HOOK3: variants seen among roughly 807,000 people sequenced by gnomAD.
HOOK3 encodes protein Hook homolog 3.
A neutral mutation model predicts 116.3 loss-of-function variants in HOOK3; 24 were observed. That is an observed-to-expected ratio of 0.21 (90% CI 0.15 to 0.29). The LOEUF is 0.29. HOOK3 is among the 10% of genes least tolerant of loss of function. HOOK3 has a pLI of 1.00. For missense variants in HOOK3, 632 were observed against 830.2 expected, an observed-to-expected ratio of 0.76 and a Z score of 2.93; for synonymous variants, 275 against 283.0, an observed-to-expected ratio of 0.97 and a Z score of 0.28.
At chr8:42,957,064 T>C (rs773239523) in intron 6 of HOOK3, 30 bp from the exon 7 acceptor site, 2 of 1,379,014 alleles carry the variant, frequency 1.5e-6, no homozygotes, top group Non-Finnish European at 2.0e-6. Flanking sequence ...TTTTGCCTCA[T>C]AGTTATAATC....
intron 1 of HOOK3, among the ~76,000 whole-genome samples, chr8:42,902,933 A>G (rs79636089): frequency 6.6e-6 from 1 of 152,310 alleles, no homozygotes; most frequent in East Asian, 1.9e-4. Context: ...AAACAAACCT[A>G]CAAGAAAGAT....
rs1342148520 is a variant in HOOK3, at chr8:42,906,380, A to G, written c.143+122A>G. On this transcript the variant is annotated intron_variant, in intron 2 of 21. Coordinates refer to ENST00000307602, the MANE Select transcript of HOOK3 (RefSeq NM_032410.4). Reference sequence around the variant, plus strand: ...TAGAGTAAGAGTTGTAGGCGGCAGCAGCACTAGTTTTAATGGAATGTACTT... The same window carrying G: ...TAGAGTAAGAGTTGTAGGCGGCAGCGGCACTAGTTTTAATGGAATGTACTT... The G allele has an allele frequency of 7.2e-6, 5 of 696,686 alleles. No individual in the cohort carries two copies. The African/African-American group carries it at 7.2e-5, about 10-fold the overall frequency. 43.2% of individuals were successfully genotyped at this position (696,686 alleles called of 1,614,324 possible).
chr8:42,968,737 T>G (rs538956878), intron 11 of HOOK3, among the ~76,000 whole-genome samples: 5 of 152,332 alleles, frequency 3.3e-5, no homozygotes, highest in East Asian at 1.9e-4. Context: ...TAGTTAGTTA[T>G]TTATTAGGTA....
intron 3 of HOOK3, among the ~76,000 whole-genome samples, chr8:42,926,226 G>GT (rs1807762353): frequency 6.6e-6 from 1 of 152,084 alleles, no homozygotes; most frequent in Admixed American, 6.5e-5. Context: ...AGGCAGTGAT[G>GT]TTTTCATTTT....
rs2130511096 is a variant in HOOK3 at position 43,030,117 on chromosome 8, C to T, written c.*11619C>T. 4.8e-6 allele frequency: 1 copy of T among 207,664 alleles called. No individual in the cohort carries two copies. The highest frequency in any genetic ancestry group is 2.3e-5 in the African/African-American group (1 of 44,014). The allele number at this position is 207,664 out of a possible 1,614,324, so 12.9% of individuals were successfully genotyped here. On this transcript the variant is annotated 3_prime_UTR_variant, in exon 22 of 22. Coordinates refer to ENST00000307602, the MANE Select transcript of HOOK3 (RefSeq NM_032410.4). Reference sequence around the variant, plus strand: ...AGTGTTGTACATAATGATGTCCAAGCATTTTTCCACCTGTTTACTGAGTTT... The same window carrying T: ...AGTGTTGTACATAATGATGTCCAAGTATTTTTCCACCTGTTTACTGAGTTT...
chr8:42,990,391 AATGCAGTG>A (rs1809137678), intron 15 of HOOK3, among the ~76,000 whole-genome samples: 1 of 118,316 alleles, frequency 8.5e-6, no homozygotes, highest in Non-Finnish European at 1.6e-5. Context: ...CCCAGGCTGG[AATGCAGTG>A]GCACAATCAC....
At chr8:42,983,628 C>T (rs542258732) in intron 14 of HOOK3, among the ~76,000 whole-genome samples, 7 of 152,156 alleles carry the variant, frequency 4.6e-5, no homozygotes, top group South Asian at 4.2e-4. Context: ...GGATCTCAGG[C>T]GCGTGCCACC....
At chr8:42,933,655 T>G (rs774945640) in intron 4 of HOOK3, among the ~76,000 whole-genome samples, 22 of 152,260 alleles carry the variant, frequency 1.4e-4, no homozygotes, top group Non-Finnish European at 3.1e-4. Flanking sequence ...CATTTTCTAG[T>G]GGCATCTTCA....
intron 8 of HOOK3, among the ~76,000 whole-genome samples, chr8:42,960,996 T>C (rs918771342): frequency 2.0e-5 from 3 of 152,312 alleles, no homozygotes; most frequent in Admixed American, 6.5e-5. Flanking sequence ...CTCAGGAAGC[T>C]TCCAATCATG....
chr8:42,916,677 C>G (rs1029384853), intron 2 of HOOK3, among the ~76,000 whole-genome samples: 7 of 152,336 alleles, frequency 4.6e-5, no homozygotes, highest in African/African-American at 1.7e-4. Context: ...TAATCCACAC[C>G]TGTAGCTTAA....
chr8:42,973,587 T>C (rs1430466847), intron 12 of HOOK3, among the ~76,000 whole-genome samples, 188 bp downstream of exon 12: 1 of 152,214 alleles, frequency 6.6e-6, no homozygotes, highest in African/African-American at 2.4e-5. Flanking sequence ...AGAATATTTT[T>C]ATAATACTTC....
intron 17 of HOOK3, among the ~76,000 whole-genome samples, chr8:43,005,214 A>ATTTTTTTTTTTTTTTT: frequency 1.6e-5 from 1 of 63,182 alleles, no homozygotes; most frequent in Non-Finnish European, 2.8e-5. Context: ...TATATATATA[A>ATTTTTTTTTTTTTTTT]TTTTTTTTTT....
At chr8:42,951,296 A>G (rs970785254) in intron 6 of HOOK3, among the ~76,000 whole-genome samples, 1 of 149,708 alleles carries the variant, frequency 6.7e-6, no homozygotes, top group African/African-American at 2.5e-5. Flanking sequence ...CCTGAGCCTC[A>G]GGTGATCCGC....
chr8:42,944,737 T>A (rs1337003220), intron 5 of HOOK3, among the ~76,000 whole-genome samples: 1 of 152,134 alleles, frequency 6.6e-6, no homozygotes, highest in African/African-American at 2.4e-5. Context: ...GAGAATCACT[T>A]GAACCTGGGA....
chr8:42,987,502 C>T (rs1809070509), intron 15 of HOOK3, among the ~76,000 whole-genome samples: 1 of 152,184 alleles, frequency 6.6e-6, no homozygotes, highest in Admixed American at 6.5e-5. Context: ...TGTTGGAGCT[C>T]TGTTGGTGTG....
At position 42,907,717 on chromosome 8, in the gene HOOK3, T is replaced by G. The variant is rs144661472; in HGVS notation, c.143+1459T>G. Among the ~76,000 whole-genome samples, 373 of 147,664 alleles carry G rather than the reference T, an allele frequency of 2.5e-3. 1 individual carries two copies. Among genetic ancestry groups the G allele is most frequent in the Non-Finnish European group, 3.9e-3 (265 of 67,454 alleles). On this transcript the variant is annotated intron_variant, in intron 2 of 21. Coordinates refer to ENST00000307602, the MANE Select transcript of HOOK3 (RefSeq NM_032410.4). ...CTTAGAGAAACCAGAAGAAAGAAAG[T>G]ATATATATATATTGTTTCATCAAAA...
At chr8:42,948,943 T>TA in intron 5 of HOOK3, among the ~76,000 whole-genome samples, 1 of 152,240 alleles carries the variant, frequency 6.6e-6, no homozygotes. Context: ...CTTAGGGCAA[T>TA]ACTTCCTTAA....
At chr8:42,902,843 C>A (rs1222566722) in intron 1 of HOOK3, among the ~76,000 whole-genome samples, 1 of 152,130 alleles carries the variant, frequency 6.6e-6, no homozygotes, top group African/African-American at 2.4e-5. Context: ...AGGGCTTGTT[C>A]GTATCAGGCA....
At chr8:42,949,790 G>A (rs1055016223) in intron 5 of HOOK3, among the ~76,000 whole-genome samples, 6 of 152,006 alleles carry the variant, frequency 3.9e-5, no homozygotes, top group African/African-American at 9.7e-5. Context: ...GGTGGCGCAC[G>A]CCTGTAGTCC....
Sources: allele counts gnomAD v4.1 joint callset (sites outside exome capture counted in the v4.1 genomes callset), GRCh38; gene constraint gnomAD v4.1.1; transcripts MANE v1.5; gene names NCBI Gene and HGNC (gene_info 2026-07-23, HGNC 2026-07-21).